The following ELL2 variants were observed in gnomAD, a reference collection of about 807,000 sequenced individuals.
The protein encoded by ELL2 is RNA polymerase II elongation factor ELL2.
A neutral mutation model predicts 72.8 loss-of-function variants in ELL2; 21 were observed. The observed-to-expected ratio is 0.29, with a 90% confidence interval of 0.20 to 0.42. ELL2 has a LOEUF of 0.42. ELL2 is among the 10% of genes least tolerant of loss of function. ELL2 has a pLI of 1.00. For synonymous variants in ELL2, 266 were observed against 283.2 expected (o/e 0.94, Z 0.61); for missense variants, 568 against 772.8 (o/e 0.73, Z 3.14).
intron 5 of ELL2, among the ~76,000 whole-genome samples, chr5:95,903,493 C>T (rs1580487914): frequency 6.6e-6 from 1 of 151,690 alleles, no homozygotes. Flanking sequence ...CCTCCTAAAG[C>T]GCTGGGATTA....
intron 9 of ELL2, 53 bp from the exon 10 acceptor site, chr5:95,891,327 C>G (rs902783921): frequency 3.3e-6 from 5 of 1,535,070 alleles, no homozygotes; most frequent in African/African-American, 2.8e-5. Flanking sequence ...CATGATTGCA[C>G]AAGTCTGAGA....
intron 9 of ELL2, among the ~76,000 whole-genome samples, chr5:95,892,038 G>A (rs1039828366): frequency 6.6e-6 from 1 of 152,086 alleles, no homozygotes; most frequent in Non-Finnish European, 1.5e-5. Context: ...ACTTTGGGAT[G>A]TAAATTACTC....
At chr5:95,916,129 G>C (rs1372904652) in intron 3 of ELL2, among the ~76,000 whole-genome samples, 2 of 151,348 alleles carry the variant, frequency 1.3e-5, no homozygotes, top group African/African-American at 4.9e-5. Context: ...AGCTTCCAGA[G>C]ATAGTGAGGA....
At chr5:95,960,924 G>A (rs1272022680) in intron 1 of ELL2, among the ~76,000 whole-genome samples, 1 of 150,822 alleles carries the variant, frequency 6.6e-6, no homozygotes, top group Non-Finnish European at 1.5e-5. Context: ...AGTGTGCGCC[G>A]CCCCCTTACA....
At chr5:95,938,903 T>C (rs369371756) in intron 2 of ELL2, among the ~76,000 whole-genome samples, 2 of 152,184 alleles carry the variant, frequency 1.3e-5, no homozygotes, top group Non-Finnish European at 2.9e-5. Flanking sequence ...AAAGTTAGCA[T>C]TATTTCTCAC....
intron 2 of ELL2, among the ~76,000 whole-genome samples, chr5:95,933,804 T>C (rs75393738): frequency 0.015 from 2,359 of 152,226 alleles, 62 homozygotes; most frequent in African/African-American, 0.054. Flanking sequence ...GATTTTTTTT[T>C]TTTTACAGAA....
At chr5:95,894,458 A>G (rs1748791794) in intron 9 of ELL2, among the ~76,000 whole-genome samples, 1 of 152,248 alleles carries the variant, frequency 6.6e-6, no homozygotes, top group Admixed American at 6.5e-5. Context: ...ACTTCTAAGG[A>G]GAAGTCGTTT....
chr5:95,899,876 T>C (rs1047613574), intron 7 of ELL2, among the ~76,000 whole-genome samples: 2 of 152,142 alleles, frequency 1.3e-5, no homozygotes, highest in Non-Finnish European at 2.9e-5. Context: ...TTGTTCCCCC[T>C]CTGTTCCTCA....
rs527682807 is a variant in ELL2, at chr5:95,899,092, T to C, written c.955-282A>G. On this transcript the variant is annotated intron_variant, in intron 7 of 11. Coordinates refer to ENST00000237853, the MANE Select transcript of ELL2 (RefSeq NM_012081.6). ...GGCAAATGTTTCTTGAAGTGCTTAC[T>C]GAATTCTTTCTAATCATACAGCTTT... Among the ~76,000 whole-genome samples the C allele has an allele frequency of 2.6e-5, 4 of 152,352 alleles. No individual in the cohort carries two copies. In the East Asian group the frequency reaches 7.7e-4, roughly 29 times the overall value.
In ELL2 at chr5:95,889,007, A is replaced by G. The variant is rs775824181; in HGVS notation, c.1807-20T>C. ...ACTAGACTGCAGATGAAAAAAAAAA[A>G]AAAAAAAGAGGAATGAGATTGCAGA... On this transcript the variant is annotated intron_variant, in intron 11 of 11. Coordinates refer to ENST00000237853, the MANE Select transcript of ELL2 (RefSeq NM_012081.6). 1.5e-5 allele frequency: 24 copies of G among 1,578,418 alleles called. No homozygotes were observed. The highest frequency in any genetic ancestry group is 2.0e-5 in the Non-Finnish European group (23 of 1,166,498).
At chr5:95,938,364 T>TA (rs1750853139) in intron 2 of ELL2, among the ~76,000 whole-genome samples, 1 of 152,232 alleles carries the variant, frequency 6.6e-6, no homozygotes, top group African/African-American at 2.4e-5. Flanking sequence ...TCACAGGAGA[T>TA]ACTGCATGGT....
chr5:95,935,562 C>G (rs1001719359), intron 2 of ELL2, among the ~76,000 whole-genome samples: 1 of 152,146 alleles, frequency 6.6e-6, no homozygotes, highest in Admixed American at 6.6e-5. Flanking sequence ...TATAATTAAA[C>G]CCAATAAAAT....
intron 4 of ELL2, among the ~76,000 whole-genome samples, chr5:95,911,298 A>C (rs1348432683): frequency 2.6e-5 from 4 of 152,070 alleles, no homozygotes; most frequent in Non-Finnish European, 5.9e-5. Flanking sequence ...AAAGCCAATC[A>C]GGATACTTGA....
chr5:95,918,888 T>C (rs1276230870), intron 3 of ELL2, among the ~76,000 whole-genome samples: 1 of 151,622 alleles, frequency 6.6e-6, no homozygotes, highest in Non-Finnish European at 1.5e-5. Flanking sequence ...TTTTTTTTTT[T>C]TTCTTTTTTT....
At chr5:95,893,621 G>A (rs865815552) in intron 9 of ELL2, among the ~76,000 whole-genome samples, 1 of 152,096 alleles carries the variant, frequency 6.6e-6, no homozygotes, top group Admixed American at 6.6e-5. Flanking sequence ...TCCTGACCTC[G>A]TGATCCGCCC....
chr5:95,942,414 T>C (rs1751001668), intron 2 of ELL2, among the ~76,000 whole-genome samples: 1 of 152,140 alleles, frequency 6.6e-6, no homozygotes, highest in African/African-American at 2.4e-5. Flanking sequence ...AAAGTACTGA[T>C]TCTACTCCTG....
intron 1 of ELL2, among the ~76,000 whole-genome samples, chr5:95,944,648 C>G (rs1751087993): frequency 6.6e-6 from 1 of 152,220 alleles, no homozygotes; most frequent in Non-Finnish European, 1.5e-5. Context: ...GCCTAGGTAG[C>G]CCCTCTTCAT....
At chr5:95,910,790 C>T (rs1392612030) in intron 4 of ELL2, among the ~76,000 whole-genome samples, 1 of 152,118 alleles carries the variant, frequency 6.6e-6, no homozygotes, top group Non-Finnish European at 1.5e-5. Flanking sequence ...AAACCTTGTC[C>T]TGCAGGTACC....
At chr5:95,902,036 C>T (rs760259914) in intron 5 of ELL2, among the ~76,000 whole-genome samples, 5 of 152,206 alleles carry the variant, frequency 3.3e-5, no homozygotes, top group Admixed American at 6.5e-5. Flanking sequence ...AGTGAAACCA[C>T]GGATAAGGAC....
Sources: gnomAD v4.1 joint callset for allele counts (sites outside exome capture counted in the v4.1 genomes callset) on GRCh38, gnomAD v4.1.1 for gene constraint, MANE v1.5 for transcripts, NCBI Gene and HGNC (gene_info 2026-07-23, HGNC 2026-07-21) for gene names.